Variants in FOXP3 observed in about 807,000 individuals in gnomAD.
FOXP3 encodes the protein forkhead box P3, also known as forkhead box protein P3.
A neutral mutation model predicts 31.2 loss-of-function variants in FOXP3; 5 were observed. That is an observed-to-expected ratio of 0.16 (90% confidence interval 0.08 to 0.34). FOXP3 has a LOEUF of 0.34. FOXP3 is among the 10% of genes least tolerant of loss of function. FOXP3 has a pLI of 1.00. For synonymous variants in FOXP3, 141 were observed against 148.8 expected (o/e 0.95, Z 0.38); for missense variants, 251 against 363.0 (o/e 0.69, Z 2.51).
At chrX:49,257,319 C>A in intron 4 of FOXP3, 108 bp downstream of exon 4, 1 of 1,032,185 alleles carries the variant, frequency 9.7e-7, no homozygotes, top group South Asian at 2.7e-5. Context: ...GACCTGACAC[C>A]TTTGACCCCC....
Position 49,253,139 on chromosome X carries a change from G to A in FOXP3, c.1031C>T (p.Thr344Met), listed in dbSNP as rs782539207. The change falls in exon 10 of 12, where the codon ACG becomes ATG. Residue 344 changes from threonine to methionine, a missense_variant. Thr to Met is a moderately conservative substitution (Grantham distance 81). Transcript: ENST00000376207. ...HNMRPPFTYA[T>M]LIRWAILEAP... ...TGCCCTGCTTACCCAGCGGATGAGC[G>A]TGGCGTAGGTGAAAGGGGGTCGCAT... 13 of 1,209,166 alleles carry A rather than the reference G, an allele frequency of 1.1e-5. No individual in the cohort carries two copies. In the East Asian group the frequency reaches 1.2e-4, roughly 11 times the overall value.
At chrX:49,254,593 T>G (rs186311744) in intron 8 of FOXP3, among the ~76,000 whole-genome samples, 2 of 111,902 alleles carry the variant, frequency 1.8e-5, no homozygotes, top group African/African-American at 3.3e-5. Context: ...TGGGGTTGAA[T>G]AGGGCTCTTT....
At chrX:49,261,934 G>T (rs1182613839) in intron 1 of FOXP3, among the ~76,000 whole-genome samples, 1 of 112,405 alleles carries the variant, frequency 8.9e-6, no homozygotes, top group African/African-American at 3.2e-5. Flanking sequence ...GCGTGGAGTA[G>T]ACAAGGGCCA....
Position 49,251,293 on chromosome X carries a change from T to G in FOXP3, c.*41A>C. 3.4e-6 allele frequency: 4 copies of G among 1,190,704 alleles called. No individual in the cohort carries two copies. Among genetic ancestry groups the G allele is most frequent in the Non-Finnish European group, 4.5e-6 (4 of 882,066 alleles). ...CCCACCACCTCTGCCTCCCACCAGT[T>G]TGGCCCCTGTTCGTCCATCCTCCTT... is the stretch of plus-strand genomic sequence containing the variant. On this transcript the variant is annotated 3_prime_UTR_variant, in exon 12 of 12. Transcript: ENST00000376207.
Position 49,253,228 on chromosome X carries a change from G to T in FOXP3, c.968-26C>A, listed in dbSNP as rs2066045606. 3.4e-6 allele frequency: 4 copies of T among 1,162,563 alleles called. No individual in the cohort carries two copies. The South Asian group carries it at 5.5e-5, about 16-fold the overall frequency. On this transcript the variant is annotated intron_variant, in intron 9 of 11. Transcript: ENST00000376207. ...CTGTCAGAGGGTGGGGATGAATCAA[G>T]CCCCATGCAGGACCTCCTAGCTAGC...
chrX:49,258,442 C>T lies in FOXP3; in HGVS notation c.64G>A (p.Ala22Thr), dbSNP rs1557116748. 1.7e-6 allele frequency: 2 copies of T among 1,188,741 alleles called. No homozygotes were observed. Among genetic ancestry groups the T allele is most frequent in the Non-Finnish European group, 2.3e-6 (2 of 883,292 alleles). Residue 22 changes from alanine to threonine, a missense_variant, in exon 2 of 12, where the codon GCC becomes ACC. Physicochemically the swap from Ala to Thr is moderately conservative, Grantham distance 58. Coordinates refer to ENST00000376207, the MANE Select transcript of FOXP3 (RefSeq NM_014009.4). ...PSLALGPSPGASPSWRAAPKA... is the reference protein window; with the variant it reads ...PSLALGPSPGTSPSWRAAPKA... ...GGTGCAGCCCTCCAGCTGGGCGAGG[C>T]TCCTGGGGATGGGCCAAGGGCCAAG...
intron 1 of FOXP3, among the ~76,000 whole-genome samples, chrX:49,260,069 C>T (rs1305642112): frequency 9.0e-6 from 1 of 111,292 alleles, no homozygotes; most frequent in Non-Finnish European, 1.9e-5. Context: ...TTCTTAGTCT[C>T]CTGGGGGCTT....
At chrX:49,262,101 A>T (rs782518610) in intron 1 of FOXP3, among the ~76,000 whole-genome samples, 1 of 112,380 alleles carries the variant, frequency 8.9e-6, no homozygotes, top group African/African-American at 3.2e-5. Flanking sequence ...AGATAGTGAG[A>T]GACATTGAGA....
Position 49,251,058 on chromosome X carries a change from G to A in FOXP3, c.*276C>T, listed in dbSNP as rs1483746310. 5.0e-6 allele frequency: 2 copies of A among 397,050 alleles called. No homozygotes were observed. The highest frequency in any genetic ancestry group is 8.7e-6 in the Non-Finnish European group (2 of 230,540). 32.7% of individuals were successfully genotyped at this position (397,050 alleles called of 1,213,427 possible). A position where few individuals can be genotyped will look rare whatever the true frequency, so the allele number is the denominator to read the frequency against. On this transcript the variant is annotated 3_prime_UTR_variant, in exon 12 of 12. Transcript: ENST00000376207. ...CTGTGTGGCTGGTTGTGAAGGCTCT[G>A]TTTGGCTGCAGGGCTCGACTGGGGG...
chrX:49,254,066 G>A lies in FOXP3; in HGVS notation c.818C>T (p.Ala273Val), dbSNP rs1557115963. 1 of 1,207,774 alleles carries A rather than the reference G, an allele frequency of 8.3e-7. No homozygotes were observed. The highest frequency in any genetic ancestry group is 2.2e-5 in the Admixed American group (1 of 45,722). ...KMALTKASSV[A>V]SSDKGSCCIV... Reference sequence around the variant, plus strand: ...GCAGCAGGAGCCCTTGTCGGATGATGCCTGGGTGAGGGGGAGAGGCTGGTG... The same window carrying A: ...GCAGCAGGAGCCCTTGTCGGATGATACCTGGGTGAGGGGGAGAGGCTGGTG... Residue 273 changes from alanine (A) to valine (V), a missense_variant and splice_region_variant, in exon 9 of 12, where the codon GCA (alanine) becomes GTA (valine). Physicochemically the swap from Ala to Val is moderately conservative, Grantham distance 64 (BLOSUM62 0). This residue lies in a region of FOXP3 where 57 missense variants were observed against 60.9 expected (regional missense o/e 0.94). Transcript: ENST00000376207.
chrX:49,251,199 G>A lies in FOXP3; in HGVS notation c.*135C>T. The A allele has an allele frequency of 1.3e-6, 1 of 788,771 alleles. No individual in the cohort carries two copies. Among genetic ancestry groups the A allele is most frequent in the Non-Finnish European group, 1.8e-6 (1 of 544,635 alleles). The allele number at this position is 788,771 out of a possible 1,213,427, so 65.0% of individuals were successfully genotyped here. ...CTGCCAGCGGGGGAACAGGGGCCCT[G>A]GCAGGCAAGACAGTGGAAACCTCAC... On this transcript the variant is annotated 3_prime_UTR_variant, in exon 12 of 12. Transcript: ENST00000376207.
intron 8 of FOXP3, among the ~76,000 whole-genome samples, chrX:49,254,712 GA>G (rs1478409622): frequency 9.8e-4 from 109 of 111,461 alleles, no homozygotes; most frequent in Non-Finnish European, 1.5e-3. Context: ...AAAGCGCTCA[GA>G]AACAGTGCCT....
Position 49,250,615 on chromosome X carries a change from C to CTG in FOXP3, c.*717_*718dup. ...ATTTTTGGCAAGGCAGTGTGTGTGG[C>CTG]TGTGTGTGTCTGCACGGGACTCAAG... On this transcript the variant is annotated 3_prime_UTR_variant, in exon 12 of 12. Transcript: ENST00000376207. 1 of 331,984 alleles carries CTG rather than the reference C, an allele frequency of 3.0e-6. No individual in the cohort carries two copies. Among genetic ancestry groups the CTG allele is most frequent in the Non-Finnish European group, 5.6e-6 (1 of 177,554 alleles). 27.4% of individuals were successfully genotyped at this position (331,984 alleles called of 1,213,427 possible).
At chrX:49,256,674 C>A in intron 6 of FOXP3, 77 bp downstream of exon 6, 1 of 863,314 alleles carries the variant, frequency 1.2e-6, no homozygotes, top group South Asian at 2.0e-5. Flanking sequence ...TGGGATGAAG[C>A]CTGAGCTGAG....
chrX:49,251,837 G>A (rs1299335457), intron 10 of FOXP3, 72 bp from the exon 11 acceptor site: 14 of 1,170,755 alleles, frequency 1.2e-5, no homozygotes, highest in East Asian at 6.1e-5. Flanking sequence ...GACCTACCCC[G>A]AGCCATCTGA....
chrX:49,251,070 G>A lies in FOXP3; in HGVS notation c.*264C>T. 4.8e-6 allele frequency: 2 copies of A among 415,749 alleles called. No homozygotes were observed. The highest frequency in any genetic ancestry group is 1.3e-3 in the Middle Eastern group (2 of 1,526). The allele number at this position is 415,749 out of a possible 1,213,427, so 34.3% of individuals were successfully genotyped here. A position where few individuals can be genotyped will look rare whatever the true frequency, so the allele number is the denominator to read the frequency against. ...TTGTGAAGGCTCTGTTTGGCTGCAG[G>A]GCTCGACTGGGGGGTGTGTCTGGGG... is the stretch of plus-strand genomic sequence containing the variant. On this transcript the variant is annotated 3_prime_UTR_variant, in exon 12 of 12. Transcript: ENST00000376207.
intron 1 of FOXP3, among the ~76,000 whole-genome samples, chrX:49,263,314 T>TA (rs2066121347): frequency 8.9e-6 from 1 of 112,152 alleles, no homozygotes; most frequent in Admixed American, 9.4e-5. Flanking sequence ...CACCTAGGGT[T>TA]AGCTTAAGTA....
chrX:49,252,077 G>A (rs900075622), intron 10 of FOXP3, among the ~76,000 whole-genome samples: 6 of 109,189 alleles, frequency 5.5e-5, no homozygotes, highest in African/African-American at 2.0e-4. Context: ...GATGGAGTTG[G>A]AGTTGGGGTT....
At position 49,256,227 on chromosome X, in the gene FOXP3, AGAGAGAG is replaced by A. The variant is rs2066070801; in HGVS notation, c.648-432_648-426del. 3.4e-3 allele frequency among the ~76,000 whole-genome samples: 42 copies of A among 12,211 alleles called. 2 individuals carry two copies. In the East Asian group the frequency reaches 0.042, roughly 12 times the overall value. 10.6% of individuals were successfully genotyped at this position (12,211 alleles called of 115,157 possible). On this transcript the variant is annotated intron_variant, in intron 6 of 11. Coordinates refer to ENST00000376207, the MANE Select transcript of FOXP3 (RefSeq NM_014009.4). The stretch of plus-strand genomic sequence containing the variant: ...GTGTGTGAGAGAGAGAGAAAGAGAG[AGAGAGAG>A]AGAGAGAGAGAGAGAGAGAGAGAGA...
Sources: allele counts gnomAD v4.1 joint callset (sites outside exome capture counted in the v4.1 genomes callset), GRCh38; gene constraint gnomAD v4.1.1; regional missense constraint gnomAD v4.1.1; transcripts MANE v1.5; gene names NCBI Gene and HGNC (gene_info 2026-07-23, HGNC 2026-07-21).